Variants in MTMR9 observed in about 807,000 individuals in gnomAD.
The protein encoded by MTMR9 is myotubularin-related protein 9.
Under a neutral mutation model 69.5 loss-of-function variants are expected in MTMR9, and 39 were observed. The ratio of observed to expected loss-of-function variants is 0.56; its 90% CI spans 0.43 to 0.73. The LOEUF is 0.73. MTMR9 is among the 30% of genes least tolerant of loss of function. The pLI is 0.00. For missense variants in MTMR9, 900 were observed against 671.2 expected (o/e 1.34, Z -3.77); for synonymous variants, 354 against 240.8 (o/e 1.47, Z -4.35).
At chr8:11,293,724 G>C (rs769509561) in intron 1 of MTMR9, among the ~76,000 whole-genome samples, 4 of 150,584 alleles carry the variant, frequency 2.7e-5, no homozygotes, top group Non-Finnish European at 4.4e-5. Context: ...TTTTGAGTTA[G>C]TTTTTGTATA....
At position 11,306,275 on chromosome 8, in the gene MTMR9, G is replaced by C. The variant is rs1048178221; in HGVS notation, c.677G>C (p.Arg226Thr). The change falls in exon 5 of 10, where the codon AGG becomes ACG. Residue 226 changes from arginine (R) to threonine (T), a missense_variant. Physicochemically the swap from Arg to Thr is moderately conservative, Grantham distance 71. Coordinates refer to ENST00000221086, the MANE Select transcript of MTMR9 (RefSeq NM_015458.4). The stretch of plus-strand genomic sequence containing the variant: ...GAGAAGCTGATAAATGCTACCCTCA[G>C]GGCTGGAAAGCGTGGCTACATCATT... ...EDEKLINATLRAGKRGYIIDT... is the reference protein window; with the variant it reads ...EDEKLINATLTAGKRGYIIDT... 3.1e-6 allele frequency: 5 copies of C among 1,614,044 alleles called. No homozygotes were observed. The South Asian group carries it at 4.4e-5, about 14-fold the overall frequency.
At position 11,326,765 on chromosome 8, in the gene MTMR9, T is replaced by A. The variant is rs934474539; in HGVS notation, c.*3977T>A. ...GCGGGCGGATCATGAGGTCAGGAGA[T>A]CGAGACCATCCTGGCTAACACGGTG... is the stretch of plus-strand genomic sequence containing the variant. On this transcript the variant is annotated 3_prime_UTR_variant, in exon 10 of 10. Coordinates refer to ENST00000221086, the MANE Select transcript of MTMR9 (RefSeq NM_015458.4). The A allele has an allele frequency of 6.6e-6, 1 of 152,254 alleles. No individual in the cohort carries two copies. Among genetic ancestry groups the A allele is most frequent in the African/African-American group, 2.4e-5 (1 of 41,442 alleles). 9.4% of individuals were successfully genotyped at this position (152,254 alleles called of 1,614,324 possible).
downstream of MTMR9, among the ~76,000 whole-genome samples, chr8:11,332,533 C>T (rs1489412423): frequency 2.6e-5 from 4 of 151,336 alleles, no homozygotes; most frequent in Non-Finnish European, 1.5e-5. Context: ...AATTTTGTAG[C>T]TGAAACGTGC....
the MTMR9 span, among the ~76,000 whole-genome samples, chr8:11,337,073 T>G: frequency 6.6e-6 from 1 of 152,170 alleles, no homozygotes; most frequent in African/African-American, 2.4e-5. Context: ...TGGACTGTTA[T>G]CTACTGGGAC....
chr8:11,289,650 C>A (rs773561040), intron 1 of MTMR9, among the ~76,000 whole-genome samples: 1 of 152,134 alleles, frequency 6.6e-6, no homozygotes, highest in African/African-American at 2.4e-5. Context: ...TAGGCAACCA[C>A]GTTAGTTGTT....
rs1400800494 is a variant in MTMR9 at position 11,324,840 on chromosome 8, G to C, written c.*2052G>C. The C allele has an allele frequency of 1.3e-5, 2 of 152,282 alleles. No individual in the cohort carries two copies. Among genetic ancestry groups the C allele is most frequent in the Non-Finnish European group, 2.9e-5 (2 of 68,100 alleles). The allele number at this position is 152,282 out of a possible 1,614,324, so 9.4% of individuals were successfully genotyped here. Reference sequence around the variant, plus strand: ...TCAGTCCACTCCAGCCTGAGCAACAGAGCGAGACCCTGTGTCTAAGTAAAG... The same window carrying C: ...TCAGTCCACTCCAGCCTGAGCAACACAGCGAGACCCTGTGTCTAAGTAAAG... On this transcript the variant is annotated 3_prime_UTR_variant, in exon 10 of 10. Coordinates refer to ENST00000221086, the MANE Select transcript of MTMR9 (RefSeq NM_015458.4).
In MTMR9 at chr8:11,319,668, A is replaced by T; in HGVS notation, c.1335-19A>T. Reference sequence around the variant, plus strand: ...GTTATAAATTAATTACTTTAATGGCAGTGTTCTTTCTTGATCAGATGTAAG... The same window carrying T: ...GTTATAAATTAATTACTTTAATGGCTGTGTTCTTTCTTGATCAGATGTAAG... On this transcript the variant is annotated intron_variant, in intron 8 of 9. Transcript: ENST00000221086. The T allele has an allele frequency of 6.2e-7, 1 of 1,612,266 alleles. No homozygotes were observed. The highest frequency in any genetic ancestry group is 8.5e-7 in the Non-Finnish European group (1 of 1,179,540).
At chr8:11,321,089 GTCACATCTAGTTCC>G (rs1800664116) in intron 9 of MTMR9, 1 of 168,312 alleles carries the variant, frequency 5.9e-6, no homozygotes, top group Non-Finnish European at 1.3e-5. Context: ...GATGTCAGCT[GTCACATCTAGTTCC>G]TCTTGGCTTA....
intron 9 of MTMR9, among the ~76,000 whole-genome samples, chr8:11,322,305 A>G (rs943413755): frequency 2.6e-5 from 4 of 152,248 alleles, no homozygotes; most frequent in South Asian, 4.1e-4. Context: ...AGTTTATGAC[A>G]TTGCAAATTA....
downstream of MTMR9, among the ~76,000 whole-genome samples, chr8:11,329,079 A>G (rs1563294682): frequency 6.6e-6 from 1 of 152,142 alleles, no homozygotes; most frequent in South Asian, 2.1e-4. Context: ...GTTGAAGATT[A>G]TTTGACCATA....
At chr8:11,298,432 T>A (rs537354916) in intron 2 of MTMR9, among the ~76,000 whole-genome samples, 16 of 152,098 alleles carry the variant, frequency 1.1e-4, no homozygotes, top group Non-Finnish European at 2.1e-4. Context: ...GCCATGCTTC[T>A]CTATATTTTG....
Position 11,326,478 on chromosome 8 carries a change from G to GTTA in MTMR9, c.*3692_*3693insATT, listed in dbSNP as rs1343970562. The GTTA allele has an allele frequency of 6.6e-6, 1 of 151,994 alleles. No homozygotes were observed. The highest frequency in any genetic ancestry group is 2.4e-5 in the African/African-American group (1 of 41,374). The allele number at this position is 151,994 out of a possible 1,614,324, so 9.4% of individuals were successfully genotyped here. ...GTACATCTGATAAAGTTTTGTTGTT[G>GTTA]TTGTTGTTGTTGTTGTTTTAATTGG... is the stretch of plus-strand genomic sequence containing the variant. On this transcript the variant is annotated 3_prime_UTR_variant, in exon 10 of 10. Transcript: ENST00000221086.
At chr8:11,319,488 T>G (rs553094286) in intron 8 of MTMR9, 199 bp from the exon 9 acceptor site, 3 of 574,122 alleles carry the variant, frequency 5.2e-6, no homozygotes, top group South Asian at 2.2e-5. Flanking sequence ...AAATACTCTT[T>G]GTTTTGTTGT....
chr8:11,290,347 TATACTCTGTG>T (rs1305612872), intron 1 of MTMR9, among the ~76,000 whole-genome samples: 2 of 152,184 alleles, frequency 1.3e-5, no homozygotes, highest in African/African-American at 4.8e-5. Context: ...GGGTACCTTG[TATACTCTGTG>T]GGTGTTCATT....
intron 3 of MTMR9, 128 bp from the exon 4 acceptor site, chr8:11,304,713 C>G: frequency 1.1e-6 from 1 of 875,908 alleles, no homozygotes; most frequent in Non-Finnish European, 1.8e-6. Context: ...TAGAGATCCA[C>G]CTGTGAAATT....
At chr8:11,304,761 C>G (rs1004037815) in intron 3 of MTMR9, 80 bp from the exon 4 acceptor site, 1 of 1,442,766 alleles carries the variant, frequency 6.9e-7, no homozygotes, top group Non-Finnish European at 9.5e-7. Context: ...AAGTTGACCT[C>G]TAAGGTCTTT....
chr8:11,319,678 CT>C lies in MTMR9; in HGVS notation c.1335-7del, dbSNP rs769407433. 6.2e-7 allele frequency: 1 copy of C among 1,613,096 alleles called. No homozygotes were observed. The highest frequency in any genetic ancestry group is 1.1e-5 in the South Asian group (1 of 91,018). ...AATTACTTTAATGGCAGTGTTCTTT[CT>C]TGATCAGATGTAAGTTGAAGCTACA... On this transcript the variant is annotated splice_region_variant and splice_polypyrimidine_tract_variant and intron_variant, in intron 8 of 9. Coordinates refer to ENST00000221086, the MANE Select transcript of MTMR9 (RefSeq NM_015458.4).
At chr8:11,339,009 C>T in the MTMR9 span, among the ~76,000 whole-genome samples, 1 of 152,206 alleles carries the variant, frequency 6.6e-6, no homozygotes, top group African/African-American at 2.4e-5. Context: ...AGAGTAGGGT[C>T]ATATAGTGTC....
chr8:11,321,072 T>C (rs1416199060), intron 9 of MTMR9: 1 of 165,502 alleles, frequency 6.0e-6, no homozygotes, highest in Non-Finnish European at 1.3e-5. Flanking sequence ...TTTCTGTCTC[T>C]TCTCTGGATG....
Sources: allele counts gnomAD v4.1 joint callset (sites outside exome capture counted in the v4.1 genomes callset), GRCh38; gene constraint gnomAD v4.1.1; transcripts MANE v1.5; gene names NCBI Gene and HGNC (gene_info 2026-07-23, HGNC 2026-07-21).